NFX1: variants seen among roughly 807,000 people sequenced by gnomAD.
The protein encoded by NFX1 is nuclear transcription factor, X-box binding 1, also known as transcriptional repressor NF-X1.
In NFX1, 69 loss-of-function variants were observed where a neutral mutation model predicts 137.2. That is an observed-to-expected ratio of 0.50 (90% CI 0.41 to 0.61). NFX1 has a LOEUF of 0.61. Among genes scored for constraint, NFX1 ranks in the 20% least tolerant of loss-of-function variants. The probability of loss-of-function intolerance (pLI) is 0.00; values close to 1 mark genes in which losing one functional copy is unlikely to be tolerated. For synonymous variants in NFX1, 495 were observed against 474.1 expected (o/e 1.04, Z -0.57); for missense variants, 1,167 against 1,391.0 (o/e 0.84, Z 2.56).
chr9:33,307,172 T>C (rs779159795), intron 4 of NFX1, 22 bp from the exon 5 acceptor site: 7 of 1,596,412 alleles, frequency 4.4e-6, no homozygotes, highest in African/African-American at 1.3e-5. Context: ...TACCATTGAC[T>C]CTCTGATCTG....
At chr9:33,303,153 A>G in intron 3 of NFX1, 38 bp from the exon 4 acceptor site, 1 of 1,563,026 alleles carries the variant, frequency 6.4e-7, no homozygotes, top group Non-Finnish European at 8.8e-7. Flanking sequence ...AGCTTTTGGA[A>G]GAAAATTTAT....
At chr9:33,301,513 C>G in intron 3 of NFX1, 92 bp downstream of exon 3, 1 of 1,359,788 alleles carries the variant, frequency 7.4e-7, no homozygotes, top group African/African-American at 1.5e-5. Context: ...AGTTTAATTT[C>G]TCTTAACTAC....
rs766036038 is a variant in NFX1 at position 33,367,539 on chromosome 9, C to A, written c.3210C>A (p.Thr1070=). 4.3e-6 allele frequency: 7 copies of A among 1,613,916 alleles called. No individual in the cohort carries two copies. In the South Asian group the frequency reaches 6.6e-5, roughly 15 times the overall value. ...AIRGKSVCPP[T]TLTGVLEREM... ...GGGGGAAGTCCGTTTGTCCTCCTAC[C>A]ACGCTGACAGGTGTGCTTGAAAGGG... Residue 1070 remains threonine, a synonymous_variant, in exon 23 of 24, where the codon ACC becomes ACA. Transcript: ENST00000379540.
chr9:33,328,803 T>C (rs1822693174), intron 10 of NFX1, 125 bp downstream of exon 10: 1 of 693,512 alleles, frequency 1.4e-6, no homozygotes, highest in South Asian at 1.8e-5. Context: ...GCACTCAAGG[T>C]CCAGAGGCCT....
intron 9 of NFX1, among the ~76,000 whole-genome samples, chr9:33,323,430 C>T (rs138157466): frequency 6.6e-6 from 1 of 152,244 alleles, no homozygotes; most frequent in Non-Finnish European, 1.5e-5. Context: ...TCAGATTTCA[C>T]AAAGACTGTA....
At chr9:33,300,666 A>G (rs1397876435) in intron 2 of NFX1, among the ~76,000 whole-genome samples, 2 of 152,238 alleles carry the variant, frequency 1.3e-5, no homozygotes, top group Non-Finnish European at 2.9e-5. Flanking sequence ...TTCTGATACT[A>G]CACACTGGTC....
chr9:33,290,812 G>A (rs541716591), intron 1 of NFX1, among the ~76,000 whole-genome samples: 1 of 152,376 alleles, frequency 6.6e-6, no homozygotes, highest in South Asian at 2.1e-4. Flanking sequence ...GGTTTCGGAG[G>A]AGAGAGGACT....
In NFX1 at chr9:33,344,076, T is replaced by C. The variant is rs906810583; in HGVS notation, c.2232T>C (p.Asp744=). Residue 744 remains aspartate (D), a synonymous_variant, in exon 14 of 24, where the codon GAT becomes GAC. Coordinates refer to ENST00000379540, the MANE Select transcript of NFX1 (RefSeq NM_002504.6). ...NCQTCWQASF[D]ELTCHCGASV... is the part of the protein sequence containing the mutation. ...TACCTGCTGCTCCACCAGGTTTTGA[T>C]GAATTAACCTGCCATTGTGGTGCAT... 1.2e-6 allele frequency: 2 copies of C among 1,613,902 alleles called. No homozygotes were observed. The highest frequency in any genetic ancestry group is 1.6e-4 in the Middle Eastern group (1 of 6,082).
Position 33,337,111 on chromosome 9 carries a change from G to A in NFX1, c.2036-1399G>A, listed in dbSNP as rs183999309. On this transcript the variant is annotated intron_variant, in intron 11 of 23. Coordinates refer to ENST00000379540, the MANE Select transcript of NFX1 (RefSeq NM_002504.6). ...AGGCTGGTCTCAAATTCCTGGGCTC[G>A]AGCAATCCTCCTGCCCTAGCCACAC... is the stretch of plus-strand genomic sequence containing the variant. Among the ~76,000 whole-genome samples, 19 of 152,184 alleles carry A rather than the reference G, an allele frequency of 1.2e-4. 1 individual carries two copies. The highest frequency in any genetic ancestry group is 2.1e-4 in the South Asian group (1 of 4,804).
rs776387616 is a variant in NFX1, at chr9:33,351,668, G to A, written c.2533G>A (p.Glu845Lys). 6.2e-7 allele frequency: 1 copy of A among 1,614,002 alleles called. No homozygotes were observed. Among genetic ancestry groups the A allele is most frequent in the African/African-American group, 1.3e-5 (1 of 74,912 alleles). The change falls in exon 16 of 24, where the codon GAG becomes AAG. Residue 845 changes from glutamate (E) to lysine (K), a missense_variant. By Grantham distance (56) the Glu-to-Lys change is moderately conservative. Transcript: ENST00000379540. ...HKCQRLCHKG[E>K]CLVDEPCKQP... ...ATGTCAGAGACTCTGTCACAAAGGG[G>A]AGTGTCTTGTGGATGAGCCCTGCAA...
intron 15 of NFX1, among the ~76,000 whole-genome samples, chr9:33,349,041 T>C (rs1291967260): frequency 6.6e-6 from 1 of 152,252 alleles, no homozygotes; most frequent in Non-Finnish European, 1.5e-5. Flanking sequence ...CTCAAGTCCT[T>C]GGTATTTATT....
intron 4 of NFX1, among the ~76,000 whole-genome samples, chr9:33,306,795 C>G (rs181211311): frequency 3.3e-5 from 5 of 152,170 alleles, no homozygotes; most frequent in African/African-American, 7.2e-5. Context: ...CTGCCTCCCC[C>G]CTTTCCCCAC....
intron 14 of NFX1, among the ~76,000 whole-genome samples, chr9:33,344,758 C>T (rs899439386): frequency 2.6e-5 from 4 of 151,862 alleles, no homozygotes; most frequent in Non-Finnish European, 4.4e-5. Context: ...CCCAGCTACT[C>T]GGGAGGCTGA....
Position 33,352,668 on chromosome 9 carries a change from G to A in NFX1, c.2678G>A (p.Gly893Glu). The change falls in exon 17 of 24, where the codon GGA (glycine) becomes GAA (glutamate). Residue 893 changes from glycine (G) to glutamate (E), a missense_variant. Gly to Glu is a moderately conservative substitution (Grantham distance 98). Around this residue, in one of 3 missense-constraint regions of NFX1, gnomAD observed 312 missense variants for 312.8 expected, o/e 1.00. Coordinates refer to ENST00000379540, the MANE Select transcript of NFX1 (RefSeq NM_002504.6). ...KAKVELQCEC[G>E]RRKEMVICSE... is the part of the protein sequence containing the mutation. ...CAGGTAGAGCTACAGTGTGAATGTG[G>A]ACGAAGAAAAGAGATGGTGATTTGC... is the stretch of plus-strand genomic sequence containing the variant. 6.2e-7 allele frequency: 1 copy of A among 1,614,190 alleles called. No individual in the cohort carries two copies.
chr9:33,317,480 A>G (rs1451602151), intron 7 of NFX1, among the ~76,000 whole-genome samples: 1 of 150,836 alleles, frequency 6.6e-6, no homozygotes, highest in Non-Finnish European at 1.5e-5. Flanking sequence ...TTACTGGAAG[A>G]TGAAATGTGT....
chr9:33,356,434 C>T (rs1425306397), intron 19 of NFX1, among the ~76,000 whole-genome samples: 3 of 152,004 alleles, frequency 2.0e-5, no homozygotes, highest in Admixed American at 6.6e-5. Context: ...ATTTTTTACT[C>T]TCTTGATGCC....
At chr9:33,344,252 G>T in intron 14 of NFX1, 64 bp downstream of exon 14, 2 of 1,606,766 alleles carry the variant, frequency 1.2e-6, no homozygotes, top group Non-Finnish European at 1.7e-6. Context: ...ATCCTGCTGT[G>T]TTACTGTCTT....
intron 15 of NFX1, 56 bp downstream of exon 15, chr9:33,347,173 A>G: frequency 7.6e-7 from 1 of 1,319,558 alleles, no homozygotes; most frequent in Non-Finnish European, 1.1e-6. Flanking sequence ...TGATTTTATT[A>G]CTTAAGAATT....
At chr9:33,331,677 A>G (rs1175831174) in intron 10 of NFX1, among the ~76,000 whole-genome samples, 3 of 147,510 alleles carry the variant, frequency 2.0e-5, no homozygotes, top group African/African-American at 7.5e-5. Flanking sequence ...CACATCTGTT[A>G]TCAACTTCAG....
Sources: gnomAD v4.1 joint callset for allele counts (sites outside exome capture counted in the v4.1 genomes callset) on GRCh38, gnomAD v4.1.1 for gene constraint, gnomAD v4.1.1 regional missense constraint, MANE v1.5 for transcripts, NCBI Gene and HGNC (gene_info 2026-07-23, HGNC 2026-07-21) for gene names.